STEAP2: variants seen among roughly 807,000 people sequenced by gnomAD.
STEAP2 encodes metalloreductase STEAP2.
STEAP2 carries 30 observed loss-of-function variants against 46.4 expected under a neutral mutation model. The ratio of observed to expected loss-of-function variants is 0.65; its 90% CI spans 0.48 to 0.88. The LOEUF is 0.88. Among genes scored for constraint, STEAP2 ranks in the 40% least tolerant of loss-of-function variants. STEAP2 has a pLI of 0.00. For synonymous variants in STEAP2, 180 were observed against 200.5 expected, an observed-to-expected ratio of 0.90 and a Z score of 0.86; for missense variants, 513 against 579.3, an observed-to-expected ratio of 0.89 and a Z score of 1.18.
downstream of STEAP2, among the ~76,000 whole-genome samples, chr7:90,241,774 G>A (rs1016018500): frequency 1.2e-4 from 19 of 152,178 alleles, no homozygotes; most frequent in African/African-American, 4.6e-4. Context: ...GGGTCCAATT[G>A]CTGAACCAGT....
intron 4 of STEAP2, 86 bp from the exon 5 acceptor site, chr7:90,229,786 G>GTTC: frequency 6.5e-7 from 1 of 1,531,252 alleles, no homozygotes; most frequent in Non-Finnish European, 8.7e-7. Flanking sequence ...ATATGACCAG[G>GTTC]TTCTTCTTAT....
chr7:90,218,685 A>G (rs1289281391), intron 2 of STEAP2, among the ~76,000 whole-genome samples: 1 of 152,028 alleles, frequency 6.6e-6, no homozygotes, highest in Non-Finnish European at 1.5e-5. Context: ...GCCTTGTAAT[A>G]TATTTTGAAG....
chr7:90,236,713 T>C lies in STEAP2; in HGVS notation c.*4089T>C. The stretch of plus-strand genomic sequence containing the variant: ...GTTTTGTTCAGCCTAACATACTGAG[T>C]TTTTTTTAACTTTCTAAATTATTGA... On this transcript the variant is annotated 3_prime_UTR_variant, in exon 6 of 6. Transcript: ENST00000394621. 1.4e-6 allele frequency: 2 copies of C among 1,387,924 alleles called. No individual in the cohort carries two copies. The highest frequency in any genetic ancestry group is 1.9e-6 in the Non-Finnish European group (2 of 1,074,628). 86.0% of individuals were successfully genotyped at this position (1,387,924 alleles called of 1,614,324 possible). A position where few individuals can be genotyped will look rare whatever the true frequency, so the allele number is the denominator to read the frequency against.
intron 2 of STEAP2, among the ~76,000 whole-genome samples, chr7:90,217,398 T>C (rs1795066568): frequency 6.6e-6 from 1 of 152,062 alleles, no homozygotes; most frequent in Admixed American, 6.6e-5. Context: ...CAACATCTCT[T>C]CCTCCCCTCC....
intron 2 of STEAP2, among the ~76,000 whole-genome samples, chr7:90,224,134 T>C (rs1434983639): frequency 6.6e-6 from 1 of 152,178 alleles, no homozygotes; most frequent in Admixed American, 6.5e-5. Context: ...CAAAAAGTTC[T>C]GAGTGAAAAC....
chr7:90,240,753 A>T (rs547898544), downstream of STEAP2, among the ~76,000 whole-genome samples: 2 of 152,358 alleles, frequency 1.3e-5, no homozygotes, highest in East Asian at 3.9e-4. This position sits in a 1 kb window ranked among gnomAD's most constrained non-coding sequence, Gnocchi z 4.1. Context: ...TACAGGTGCT[A>T]CTAAGAAATT....
At chr7:90,241,389 C>A (rs1323462632), downstream of STEAP2, among the ~76,000 whole-genome samples, 1 of 152,098 alleles carries the variant, frequency 6.6e-6, no homozygotes. Flanking sequence ...GGAGTATTTA[C>A]CTTACTTTGG....
downstream of STEAP2, chr7:90,238,151 C>A: frequency 1.4e-6 from 1 of 701,064 alleles, no homozygotes; most frequent in South Asian, 1.5e-5. Flanking sequence ...GCTGCCACTA[C>A]CACCACCACC....
At chr7:90,229,242 A>G (rs1795635454) in intron 4 of STEAP2, among the ~76,000 whole-genome samples, 1 of 152,312 alleles carries the variant, frequency 6.6e-6, no homozygotes, top group East Asian at 1.9e-4. Context: ...AAAATACTGC[A>G]TATAAATGAC....
Position 90,237,081 on chromosome 7 carries a change from C to T in STEAP2, c.*4457C>T. ...GAAGGCAGCATGTGTCCTTTTTCAT[C>T]CCTTCATCTTGCTGCTGGGATTGTG... On this transcript the variant is annotated 3_prime_UTR_variant, in exon 6 of 6. Coordinates refer to ENST00000394621, the MANE Select transcript of STEAP2 (RefSeq NM_001244944.2). The T allele has an allele frequency of 1.1e-6, 1 of 931,870 alleles. No homozygotes were observed. Among genetic ancestry groups the T allele is most frequent in the East Asian group, 2.8e-5 (1 of 35,846 alleles). The allele number at this position is 931,870 out of a possible 1,614,324, so 57.7% of individuals were successfully genotyped here.
chr7:90,227,491 A>G lies in STEAP2; in HGVS notation c.1013A>G (p.Tyr338Cys). Residue 338 changes from tyrosine (Y) to cysteine (C), a missense_variant, in exon 4 of 6, where the codon TAT (tyrosine) becomes TGT (cysteine). Coordinates refer to ENST00000394621, the MANE Select transcript of STEAP2 (RefSeq NM_001244944.2). ...AGATATTTGTTTCTCAACATGGCTT[A>G]TCAGCAGGTACTGAATGTGCTTGTT... ...SERYLFLNMA[Y>C]QQVHANIENS... 3.2e-6 allele frequency: 5 copies of G among 1,577,238 alleles called. No individual in the cohort carries two copies. Among genetic ancestry groups the G allele is most frequent in the Non-Finnish European group, 4.3e-6 (5 of 1,156,364 alleles).
At position 90,234,870 on chromosome 7, in the gene STEAP2, A is replaced by C. The variant is rs562614982; in HGVS notation, c.*2246A>C. On this transcript the variant is annotated 3_prime_UTR_variant, in exon 6 of 6. Transcript: ENST00000394621. Reference sequence around the variant, plus strand: ...CCCGGCCTATTATCTTGTACTTTCTAACTGAGCCCTCTATTTTCTTTATTT... The same window carrying C: ...CCCGGCCTATTATCTTGTACTTTCTCACTGAGCCCTCTATTTTCTTTATTT... 1,503 of 984,980 alleles carry C rather than the reference A, an allele frequency of 1.5e-3. 2 individuals are homozygous for C. Among genetic ancestry groups the C allele is most frequent in the Non-Finnish European group, 1.7e-3 (1,409 of 829,726 alleles). The allele number at this position is 984,980 out of a possible 1,614,324, so 61.0% of individuals were successfully genotyped here. A position where few individuals can be genotyped will look rare whatever the true frequency, so the allele number is the denominator to read the frequency against.
downstream of STEAP2, among the ~76,000 whole-genome samples, chr7:90,238,876 TAGA>T (rs1162997999): frequency 6.6e-6 from 1 of 151,920 alleles, no homozygotes; most frequent in Non-Finnish European, 1.5e-5. Flanking sequence ...CCCCTGAGAG[TAGA>T]AAAACCCCTC....
chr7:90,232,895 T>G lies in STEAP2; in HGVS notation c.*271T>G. The G allele has an allele frequency of 9.5e-7, 1 of 1,056,758 alleles. No homozygotes were observed. Among genetic ancestry groups the G allele is most frequent in the Non-Finnish European group, 1.1e-6 (1 of 875,124 alleles). 65.5% of individuals were successfully genotyped at this position (1,056,758 alleles called of 1,614,324 possible). ...CTGTAACCCTGTTGTTACTTTATATTTCATAATCAGGCAAAAATACTTACA... is the reference window on the plus strand; with the variant it reads ...CTGTAACCCTGTTGTTACTTTATATGTCATAATCAGGCAAAAATACTTACA... On this transcript the variant is annotated 3_prime_UTR_variant, in exon 6 of 6. Coordinates refer to ENST00000394621, the MANE Select transcript of STEAP2 (RefSeq NM_001244944.2).
At chr7:90,231,118 A>G (rs1470152863) in intron 5 of STEAP2, among the ~76,000 whole-genome samples, 2 of 151,924 alleles carry the variant, frequency 1.3e-5, no homozygotes, top group Non-Finnish European at 2.9e-5. Context: ...ACTTTTATAT[A>G]ACAGACTATT....
chr7:90,233,311 G>T lies in STEAP2; in HGVS notation c.*687G>T, dbSNP rs1795835285. 1.0e-6 allele frequency: 1 copy of T among 978,014 alleles called. No individual in the cohort carries two copies. The highest frequency in any genetic ancestry group is 1.8e-5 in the African/African-American group (1 of 57,114). The allele number at this position is 978,014 out of a possible 1,614,324, so 60.6% of individuals were successfully genotyped here. ...AGATTTTATTCTTTATTGTGTTACA[G>T]AGCAGTTTCATTTTCATATTAATAT... On this transcript the variant is annotated 3_prime_UTR_variant, in exon 6 of 6. Transcript: ENST00000394621.
At chr7:90,223,276 T>A in intron 2 of STEAP2, among the ~76,000 whole-genome samples, 1 of 152,166 alleles carries the variant, frequency 6.6e-6, no homozygotes, top group Non-Finnish European at 1.5e-5. Context: ...TCTCAGCTGC[T>A]TAGTCTGGTG....
chr7:90,227,912 A>T (rs779478707), intron 4 of STEAP2, among the ~76,000 whole-genome samples: 1 of 152,212 alleles, frequency 6.6e-6, no homozygotes, highest in Non-Finnish European at 1.5e-5. Flanking sequence ...GAACAGGAAG[A>T]CAAGATCAGG....
intron 2 of STEAP2, among the ~76,000 whole-genome samples, chr7:90,220,907 G>C (rs998529346): frequency 6.6e-6 from 1 of 152,006 alleles, no homozygotes; most frequent in Non-Finnish European, 1.5e-5. Context: ...GGAGCATGTT[G>C]TTTAATCATT....
Sources: allele counts gnomAD v4.1 joint callset (sites outside exome capture counted in the v4.1 genomes callset), GRCh38; gene constraint gnomAD v4.1.1; non-coding constraint Gnocchi (gnomAD v3.1); transcripts MANE v1.5; gene names NCBI Gene and HGNC (gene_info 2026-07-23, HGNC 2026-07-21).